The following PCDHGA1 variants were observed in gnomAD, a reference collection of about 807,000 sequenced individuals.
The protein encoded by PCDHGA1 is protocadherin gamma-A1.
Under a neutral mutation model 58.0 loss-of-function variants are expected in PCDHGA1, and 32 were observed. The observed-to-expected ratio is 0.55, with a 90% CI of 0.42 to 0.74. The LOEUF (loss-of-function observed/expected upper bound fraction) is 0.74, where lower values mean the gene tolerates loss of function less well. Ranked by LOEUF, PCDHGA1 falls within the 30% of genes least tolerant of loss-of-function variation. PCDHGA1 has a pLI of 0.00. For synonymous variants in PCDHGA1, 498 were observed against 501.1 expected (o/e 0.99, Z 0.08); for missense variants, 1,205 against 1,182.3 (o/e 1.02, Z -0.28).
At chr5:141,380,278 A>G (rs1443350334) in intron 1 of PCDHGA1, among the ~76,000 whole-genome samples, 3 of 152,216 alleles carry the variant, frequency 2.0e-5, no homozygotes, top group African/African-American at 7.2e-5. Context: ...TCAGAGGAGA[A>G]ACATTGGAAG....
intron 1 of PCDHGA1, chr5:141,366,141 T>A: frequency 6.2e-7 from 1 of 1,614,170 alleles, no homozygotes; most frequent in Non-Finnish European, 8.5e-7. Flanking sequence ...AACGCCTGGC[T>A]GTCCTACCGC....
rs146273580 is a variant in PCDHGA1 at position 141,382,696 on chromosome 5, A to C, written c.2421+49591A>C. 2.9e-3 allele frequency: 1,317 copies of C among 455,920 alleles called. 5 individuals are homozygous for C. The highest frequency in any genetic ancestry group is 2.7e-3 in the Non-Finnish European group (706 of 261,386). 28.2% of individuals were successfully genotyped at this position (455,920 alleles called of 1,614,324 possible). A position where few individuals can be genotyped will look rare whatever the true frequency, so the allele number is the denominator to read the frequency against. ...TCACCAACCAGGGAAAAATGGTGCG[A>C]GAGATCCCACAGAAACCACCGAGTT... On this transcript the variant is annotated intron_variant, in intron 1 of 3. Transcript: ENST00000517417.
intron 1 of PCDHGA1, chr5:141,341,261 C>A: frequency 6.2e-7 from 1 of 1,614,198 alleles, no homozygotes; most frequent in Non-Finnish European, 8.5e-7. Flanking sequence ...TGCGGACTCG[C>A]GGAAGAGCCA....
At chr5:141,371,594 C>T (rs1767874002) in intron 1 of PCDHGA1, 1 of 1,613,990 alleles carries the variant, frequency 6.2e-7, no homozygotes, top group Middle Eastern at 1.6e-4. Flanking sequence ...ATACCAAAAA[C>T]ACATACAGGT....
In PCDHGA1 at chr5:141,332,763, G is replaced by A. The variant is rs769414509; in HGVS notation, c.2079G>A (p.Leu693=). The change falls in exon 1 of 4, where the codon CTG becomes CTA. Residue 693 remains leucine, a synonymous_variant. Coordinates refer to ENST00000517417, the MANE Select transcript of PCDHGA1 (RefSeq NM_018912.3). This position sits in a 1 kb window ranked among gnomAD's most constrained non-coding sequence, Gnocchi z 4.6. The part of the protein sequence containing the change: ...KPNDSDLTLY[L]VVAAAAVSCV... ...ACGATTCGGACCTCACTCTGTACCT[G>A]GTGGTGGCGGCGGCCGCGGTCTCCT... 3.1e-6 allele frequency: 5 copies of A among 1,613,984 alleles called. No individual in the cohort carries two copies. The South Asian group carries it at 4.4e-5, about 14-fold the overall frequency.
intron 1 of PCDHGA1, among the ~76,000 whole-genome samples, chr5:141,463,809 T>G (rs964935762): frequency 1.3e-5 from 2 of 152,216 alleles, no homozygotes; most frequent in African/African-American, 4.8e-5. Context: ...TAAAAGCTTT[T>G]ATCACACATT....
chr5:141,372,313 A>G (rs774275406), intron 1 of PCDHGA1: 5 of 1,613,456 alleles, frequency 3.1e-6, no homozygotes, highest in Middle Eastern at 1.6e-4. Flanking sequence ...GCCGCCCGCC[A>G]GCGCCTGCTG....
At chr5:141,427,901 G>C (rs2097088177) in intron 1 of PCDHGA1, 6 of 1,572,234 alleles carry the variant, frequency 3.8e-6, no homozygotes, top group East Asian at 2.2e-5. Flanking sequence ...GCTCGCCCGC[G>C]CTCAGCGCCA....
intron 1 of PCDHGA1, chr5:141,395,540 GTT>G (rs1195680754): frequency 2.1e-5 from 4 of 186,176 alleles, no homozygotes; most frequent in South Asian, 7.0e-5. Flanking sequence ...TTTTGCTATT[GTT>G]TGTGTGTGTG....
rs371499368 is a variant in PCDHGA1 at position 141,414,269 on chromosome 5, C to T, written c.2422-80538C>T. The stretch of plus-strand genomic sequence containing the variant: ...TTTAGTCCAGTGACTGAAGATTCAC[C>T]TCTGGGAACAGTCGTAGCCCTTTTA... On this transcript the variant is annotated intron_variant, in intron 1 of 3. Coordinates refer to ENST00000517417, the MANE Select transcript of PCDHGA1 (RefSeq NM_018912.3). 8.1e-6 allele frequency: 13 copies of T among 1,613,266 alleles called. No homozygotes were observed. The African/African-American group carries it at 1.6e-4, about 20-fold the overall frequency.
chr5:141,375,333 T>C, intron 1 of PCDHGA1: 1 of 1,613,828 alleles, frequency 6.2e-7, no homozygotes, highest in East Asian at 2.2e-5. Flanking sequence ...GAGGTATTCT[T>C]GTACAACATC....
At chr5:141,441,494 ACCAGG>A (rs1325946941) in intron 1 of PCDHGA1, 1 of 170,360 alleles carries the variant, frequency 5.9e-6, no homozygotes, top group Non-Finnish European at 1.3e-5. Flanking sequence ...CTGGTTTTCT[ACCAGG>A]CCTCCTACGT....
chr5:141,421,787 C>A (rs753196648), intron 1 of PCDHGA1: 1 of 1,613,812 alleles, frequency 6.2e-7, no homozygotes, highest in East Asian at 2.2e-5. Flanking sequence ...CGGGGCAGAA[C>A]GGATGGGGCC....
Position 141,485,057 on chromosome 5 carries a change from C to A in PCDHGA1, c.2422-9750C>A, listed in dbSNP as rs2099605934. ...GTAACCCTTGCGGCGCCGGCCGAACCGCGCCAGAGCTGGCGCGGGGAAAGG... is the reference window on the plus strand; with the variant it reads ...GTAACCCTTGCGGCGCCGGCCGAACAGCGCCAGAGCTGGCGCGGGGAAAGG... On this transcript the variant is annotated intron_variant, in intron 1 of 3. Coordinates refer to ENST00000517417, the MANE Select transcript of PCDHGA1 (RefSeq NM_018912.3). The surrounding 1 kb of genome is among the most constrained non-coding windows in gnomAD (Gnocchi z 5.7). The A allele has an allele frequency of 2.4e-6, 2 of 843,718 alleles. No homozygotes were observed. Among genetic ancestry groups the A allele is most frequent in the South Asian group, 1.7e-5 (1 of 59,950 alleles). 52.3% of individuals were successfully genotyped at this position (843,718 alleles called of 1,614,324 possible).
In PCDHGA1 at chr5:141,398,855, A is replaced by G. The variant is rs1376506270; in HGVS notation, c.2421+65750A>G. ...GCCAATGATAATCCCCCGGTATTCA[A>G]CCGAGACGTGTACAGAGTCAGCCTT... On this transcript the variant is annotated intron_variant, in intron 1 of 3. Coordinates refer to ENST00000517417, the MANE Select transcript of PCDHGA1 (RefSeq NM_018912.3). 2.5e-6 allele frequency: 4 copies of G among 1,613,852 alleles called. No individual in the cohort carries two copies. The African/African-American group carries it at 5.3e-5, about 22-fold the overall frequency.
intron 1 of PCDHGA1, chr5:141,423,309 G>T (rs1401836240): frequency 6.2e-7 from 1 of 1,614,176 alleles, no homozygotes; most frequent in South Asian, 1.1e-5. Context: ...CGCTGTACTT[G>T]GTGGTGGCGG....
rs757755103 is a variant in PCDHGA1 at position 141,432,638 on chromosome 5, C to A, written c.2422-62169C>A. On this transcript the variant is annotated intron_variant, in intron 1 of 3. Coordinates refer to ENST00000517417, the MANE Select transcript of PCDHGA1 (RefSeq NM_018912.3). The surrounding 1 kb of genome is among the most constrained non-coding windows in gnomAD (Gnocchi z 6.0). ...GGTGGGTCTGCACACGGGCGAGGTG[C>A]GCACGGCGCGAGCCCTGCTGGACAG... The A allele has an allele frequency of 6.2e-6, 10 of 1,613,810 alleles. No homozygotes were observed. Among genetic ancestry groups the A allele is most frequent in the African/African-American group, 1.3e-5 (1 of 75,064 alleles).
intron 1 of PCDHGA1, chr5:141,408,464 A>C (rs764186219): frequency 6.2e-7 from 1 of 1,613,934 alleles, no homozygotes; most frequent in South Asian, 1.1e-5. Context: ...ACTTGTGAAG[A>C]ACCGAATAGA....
At chr5:141,351,539 G>A in intron 1 of PCDHGA1, 2 of 1,614,024 alleles carry the variant, frequency 1.2e-6, no homozygotes, top group Middle Eastern at 1.6e-4. Flanking sequence ...GGGCAAACCA[G>A]CCCTTTCCTC....
Sources: gnomAD v4.1 joint callset for allele counts (sites outside exome capture counted in the v4.1 genomes callset) on GRCh38, gnomAD v4.1.1 for gene constraint, Gnocchi (gnomAD v3.1) non-coding constraint, MANE v1.5 for transcripts, NCBI Gene and HGNC (gene_info 2026-07-23, HGNC 2026-07-21) for gene names.